Variants in EPHA6 observed in about 807,000 individuals in gnomAD.
The protein encoded by EPHA6 is ephrin type-A receptor 6.
EPHA6 carries 50 observed loss-of-function variants against 112.0 expected under a neutral mutation model. That is an observed-to-expected ratio of 0.45 (90% CI 0.36 to 0.56). EPHA6 has a LOEUF of 0.56. Among genes scored for constraint, EPHA6 ranks in the 20% least tolerant of loss-of-function variants. The probability of loss-of-function intolerance (pLI) is 0.00; values close to 1 mark genes in which losing one functional copy is unlikely to be tolerated. For synonymous variants in EPHA6, 529 were observed against 490.7 expected, an observed-to-expected ratio of 1.08 and a Z score of -1.03; for missense variants, 1,280 against 1,417.4, an observed-to-expected ratio of 0.90 and a Z score of 1.56.
Position 97,331,018 on chromosome 3 carries a change from T to G in EPHA6, c.1607-74132T>G, listed in dbSNP as rs199728376. Among the ~76,000 whole-genome samples, 30 of 152,224 alleles carry G rather than the reference T, an allele frequency of 2.0e-4. 1 individual carries two copies. In the East Asian group the frequency reaches 2.7e-3, roughly 14 times the overall value. On this transcript the variant is annotated intron_variant, in intron 5 of 17. Coordinates refer to ENST00000389672, the MANE Select transcript of EPHA6 (RefSeq NM_001080448.3). ...GAAGTAAAGCACTCCTCAGCAAATG[T>G]AAGAGAACAGAAATTATAAGAAACT...
intron 5 of EPHA6, among the ~76,000 whole-genome samples, chr3:97,278,912 A>G (rs190708802): frequency 6.8e-4 from 103 of 152,348 alleles, no homozygotes; most frequent in Non-Finnish European, 1.0e-3. Context: ...TAGGCAGGAC[A>G]AAAACACATA....
chr3:96,873,732 T>G (rs1269362666), intron 2 of EPHA6, among the ~76,000 whole-genome samples: 1 of 152,156 alleles, frequency 6.6e-6, no homozygotes, highest in African/African-American at 2.4e-5. Context: ...GTATGTATGT[T>G]GAGCAGTAGA....
chr3:97,419,201 G>A (rs1252267888), intron 6 of EPHA6, among the ~76,000 whole-genome samples: 6 of 152,040 alleles, frequency 3.9e-5, no homozygotes, highest in Non-Finnish European at 8.8e-5. Flanking sequence ...TACTCAGGAG[G>A]CTGAGGCAGG....
chr3:97,335,180 T>C (rs1420857683), intron 5 of EPHA6, among the ~76,000 whole-genome samples: 1 of 152,160 alleles, frequency 6.6e-6, no homozygotes, highest in Non-Finnish European at 1.5e-5. Context: ...TGTGGGGTAC[T>C]CATCATGTAA....
At chr3:97,374,531 G>C (rs1179880919) in intron 5 of EPHA6, among the ~76,000 whole-genome samples, 3 of 151,998 alleles carry the variant, frequency 2.0e-5, no homozygotes, top group Non-Finnish European at 4.4e-5. Context: ...GTGTAGGTTT[G>C]TTATAAGGGT....
intron 2 of EPHA6, among the ~76,000 whole-genome samples, chr3:96,947,276 A>G (rs2041315089): frequency 6.6e-6 from 1 of 152,070 alleles, no homozygotes; most frequent in African/African-American, 2.4e-5. Flanking sequence ...CTTGAATGGT[A>G]TTGCCTAGGT....
At chr3:97,150,691 A>G (rs1646010063) in intron 3 of EPHA6, among the ~76,000 whole-genome samples, 1 of 152,118 alleles carries the variant, frequency 6.6e-6, no homozygotes, top group African/African-American at 2.4e-5. Flanking sequence ...AGACTACAAT[A>G]GCCTAATATG....
intron 11 of EPHA6, among the ~76,000 whole-genome samples, chr3:97,559,981 G>A (rs181234956): frequency 2.3e-3 from 355 of 151,952 alleles, no homozygotes; most frequent in Non-Finnish European, 4.1e-3. Context: ...TGTTCTCAAA[G>A]AGAGGGGGAA....
At chr3:97,091,523 G>A (rs1339939349) in intron 3 of EPHA6, among the ~76,000 whole-genome samples, 2 of 152,060 alleles carry the variant, frequency 1.3e-5, no homozygotes, top group Admixed American at 6.6e-5. Context: ...GAAGTTCAAA[G>A]GCATAGATTC....
At chr3:97,358,764 A>C (rs2108924308) in intron 5 of EPHA6, among the ~76,000 whole-genome samples, 1 of 152,146 alleles carries the variant, frequency 6.6e-6, no homozygotes, top group African/African-American at 2.4e-5. Context: ...CAATTGACTC[A>C]GGTTTGTTTA....
intron 3 of EPHA6, among the ~76,000 whole-genome samples, chr3:97,211,717 G>C (rs2077881710): frequency 6.6e-6 from 1 of 152,080 alleles, no homozygotes; most frequent in African/African-American, 2.4e-5. Context: ...ATCAAAATTT[G>C]GGGGGCATAC....
chr3:97,228,507 T>C (rs569623872), intron 4 of EPHA6, among the ~76,000 whole-genome samples: 1 of 151,792 alleles, frequency 6.6e-6, no homozygotes, highest in Admixed American at 6.6e-5. Flanking sequence ...TTTTTATTGC[T>C]GAGTAGCATT....
chr3:97,166,526 G>T (rs1251967416), intron 3 of EPHA6, among the ~76,000 whole-genome samples: 1 of 152,054 alleles, frequency 6.6e-6, no homozygotes, highest in Non-Finnish European at 1.5e-5. Flanking sequence ...TTCTCTCATG[G>T]TTGACAAAAA....
chr3:97,548,169 C>G (rs575514610), intron 11 of EPHA6, among the ~76,000 whole-genome samples: 5 of 152,270 alleles, frequency 3.3e-5, no homozygotes, highest in African/African-American at 1.2e-4. Context: ...ACACTGGGAG[C>G]TGTAGACCGG....
intron 1 of EPHA6, among the ~76,000 whole-genome samples, chr3:96,862,395 A>G (rs1237532406): frequency 6.6e-6 from 1 of 151,930 alleles, no homozygotes; most frequent in Non-Finnish European, 1.5e-5. Flanking sequence ...GAATGATTCT[A>G]GGAAGAAACC....
At chr3:96,976,528 A>C (rs758547976) in intron 2 of EPHA6, among the ~76,000 whole-genome samples, 1 of 152,190 alleles carries the variant, frequency 6.6e-6, no homozygotes, top group South Asian at 2.1e-4. Context: ...TGTTTACACT[A>C]ACTACCTAAT....
At chr3:97,502,487 A>G (rs2107560240) in intron 10 of EPHA6, among the ~76,000 whole-genome samples, 2 of 151,978 alleles carry the variant, frequency 1.3e-5, no homozygotes, top group South Asian at 2.1e-4. Flanking sequence ...GCTCTTATAC[A>G]AGAAACAATA....
intron 3 of EPHA6, among the ~76,000 whole-genome samples, chr3:97,069,992 T>C: frequency 6.6e-6 from 1 of 152,224 alleles, no homozygotes; most frequent in South Asian, 2.1e-4. Flanking sequence ...CTTGCTCTTC[T>C]GTTTCCTTTT....
chr3:97,483,785 C>A (rs561554241), intron 9 of EPHA6, 149 bp from the exon 10 acceptor site: 3 of 813,132 alleles, frequency 3.7e-6, no homozygotes, highest in African/African-American at 3.6e-5. Flanking sequence ...GTAGTCAAAG[C>A]TTTAATATGG....
Sources: gnomAD v4.1 joint callset for allele counts (sites outside exome capture counted in the v4.1 genomes callset) on GRCh38, gnomAD v4.1.1 for gene constraint, MANE v1.5 for transcripts, NCBI Gene and HGNC (gene_info 2026-07-23, HGNC 2026-07-21) for gene names.